FIGN: variants seen among roughly 807,000 people sequenced by gnomAD.
FIGN encodes the protein fidgetin, microtubule severing factor.
In FIGN, 11 loss-of-function variants were observed where a neutral mutation model predicts 51.3. The observed-to-expected ratio is 0.21, with a 90% CI of 0.13 to 0.35. The LOEUF is 0.35. FIGN is among the 10% of genes least tolerant of loss of function. The pLI is 1.00. For missense variants in FIGN, 857 were observed against 943.6 expected, an observed-to-expected ratio of 0.91 and a Z score of 1.20; for synonymous variants, 407 against 363.2, an observed-to-expected ratio of 1.12 and a Z score of -1.37.
At position 163,614,991 on chromosome 2, in the gene FIGN, T is replaced by C. The variant is rs1438423574; in HGVS notation, c.26-3185A>G. On this transcript the variant is annotated intron_variant, in intron 2 of 2. Transcript: ENST00000333129. ...AGAGTGTCCATTTCATAGGGTATTT[T>C]TGCATGGTTTAAGTCTAGCAAAACT... 2.6e-5 allele frequency among the ~76,000 whole-genome samples: 4 copies of C among 152,148 alleles called. No homozygotes were observed. The East Asian group carries it at 7.7e-4, about 29-fold the overall frequency.
intron 2 of FIGN, among the ~76,000 whole-genome samples, chr2:163,666,424 C>G (rs1043826294): frequency 6.6e-6 from 1 of 152,106 alleles, no homozygotes. Flanking sequence ...ATAGGAGAGT[C>G]AGAATTGGGA....
chr2:163,663,054 C>T (rs576149015), intron 2 of FIGN, among the ~76,000 whole-genome samples: 16 of 152,062 alleles, frequency 1.1e-4, no homozygotes, highest in South Asian at 4.2e-4. Flanking sequence ...ACTAATACAA[C>T]GATGTTGGCC....
At chr2:163,709,748 G>A (rs1264049282) in intron 2 of FIGN, among the ~76,000 whole-genome samples, 4 of 151,938 alleles carry the variant, frequency 2.6e-5, no homozygotes, top group Non-Finnish European at 4.4e-5. Flanking sequence ...CACATACTTC[G>A]GGAATGAAAG....
intron 2 of FIGN, among the ~76,000 whole-genome samples, chr2:163,682,488 A>ATGCT (rs1684081337): frequency 6.6e-6 from 1 of 152,228 alleles, no homozygotes; most frequent in African/African-American, 2.4e-5. Context: ...ACAGACATGC[A>ATGCT]ATCTTGTTAT....
chr2:163,612,455 A>G, intron 2 of FIGN: 13 of 985,288 alleles, frequency 1.3e-5, no homozygotes, highest in Non-Finnish European at 1.6e-5. Flanking sequence ...CGACAGTTTC[A>G]AATCTGCTTC....
chr2:163,700,612 G>A (rs949049547), intron 2 of FIGN, among the ~76,000 whole-genome samples: 1 of 152,012 alleles, frequency 6.6e-6, no homozygotes, highest in Non-Finnish European at 1.5e-5. Flanking sequence ...CAGATTTATA[G>A]AGAATGCAAA....
intron 2 of FIGN, among the ~76,000 whole-genome samples, chr2:163,662,269 C>T (rs971964054): frequency 1.3e-5 from 2 of 152,112 alleles, no homozygotes; most frequent in Non-Finnish European, 2.9e-5. Flanking sequence ...CCCTAGAGAT[C>T]TGTGGAATTT....
At chr2:163,734,576 A>AAAT (rs1684985293) in intron 2 of FIGN, among the ~76,000 whole-genome samples, 1 of 150,888 alleles carries the variant, frequency 6.6e-6, no homozygotes, top group South Asian at 2.1e-4. Flanking sequence ...AAAAAAAAAA[A>AAAT]ACCCACACTG....
rs150730810 is a variant in FIGN, at chr2:163,709,713, A to G, written c.25+25190T>C. Among the ~76,000 whole-genome samples the G allele has an allele frequency of 4.7e-3, 718 of 152,248 alleles. 7 individuals are homozygous for G. Among genetic ancestry groups the G allele is most frequent in the African/African-American group, 0.016 (669 of 41,532 alleles). On this transcript the variant is annotated intron_variant, in intron 2 of 2. Transcript: ENST00000333129. The stretch of plus-strand genomic sequence containing the variant: ...TCTTCCCAGTATCTGCCCAGCCCCT[A>G]TAACAAGGTAAAATAAACATAAAAC...
chr2:163,614,967 G>C (rs1202857606), intron 2 of FIGN, among the ~76,000 whole-genome samples: 2 of 152,090 alleles, frequency 1.3e-5, no homozygotes, highest in Non-Finnish European at 2.9e-5. Flanking sequence ...AGTTTAAATA[G>C]AGTGTCCATT....
intron 2 of FIGN, among the ~76,000 whole-genome samples, chr2:163,728,404 A>G (rs1684873044): frequency 7.7e-6 from 1 of 129,062 alleles, no homozygotes; most frequent in African/African-American, 3.9e-5. Context: ...TTAAACACAC[A>G]CACACACACA....
At chr2:163,734,769 CA>C (rs1684988824) in intron 2 of FIGN, 133 bp downstream of exon 2, 2 of 716,402 alleles carry the variant, frequency 2.8e-6, no homozygotes, top group Non-Finnish European at 4.4e-6. Context: ...TGACATTAAA[CA>C]TATATTTTTT....
At chr2:163,668,824 C>G (rs889375410) in intron 2 of FIGN, among the ~76,000 whole-genome samples, 3 of 151,680 alleles carry the variant, frequency 2.0e-5, no homozygotes, top group Non-Finnish European at 4.4e-5. Flanking sequence ...GCCTGTAGTC[C>G]CAGCTACTCG....
At chr2:163,712,986 C>G (rs1684611385) in intron 2 of FIGN, among the ~76,000 whole-genome samples, 1 of 152,172 alleles carries the variant, frequency 6.6e-6, no homozygotes, top group African/African-American at 2.4e-5. Flanking sequence ...ATAAACGTAT[C>G]TGGTCAGAGA....
intron 2 of FIGN, among the ~76,000 whole-genome samples, chr2:163,724,740 GC>G (rs1233384560): frequency 6.6e-6 from 1 of 152,000 alleles, no homozygotes; most frequent in Non-Finnish European, 1.5e-5. Context: ...TTCATTTGTG[GC>G]CTAAAAACTT....
chr2:163,682,697 A>T (rs971693348), intron 2 of FIGN, among the ~76,000 whole-genome samples: 1 of 152,238 alleles, frequency 6.6e-6, no homozygotes. Context: ...TTACAGTAAC[A>T]ATGTGAACAG....
At chr2:163,640,742 A>T (rs1425992796) in intron 2 of FIGN, among the ~76,000 whole-genome samples, 1 of 152,174 alleles carries the variant, frequency 6.6e-6, no homozygotes, top group African/African-American at 2.4e-5. Context: ...AGAGTTACTA[A>T]ATATACCTGG....
chr2:163,729,995 C>A (rs1316256339), intron 2 of FIGN, among the ~76,000 whole-genome samples: 1 of 152,146 alleles, frequency 6.6e-6, no homozygotes, highest in Non-Finnish European at 1.5e-5. Flanking sequence ...TTTCTGATCA[C>A]CTATCTTTTC....
intron 2 of FIGN, among the ~76,000 whole-genome samples, chr2:163,721,094 A>G (rs933030694): frequency 6.6e-6 from 1 of 152,226 alleles, no homozygotes; most frequent in East Asian, 1.9e-4. Context: ...GTGGCCACCA[A>G]CTTACATGAT....
Sources: gnomAD v4.1 joint callset for allele counts (sites outside exome capture counted in the v4.1 genomes callset) on GRCh38, gnomAD v4.1.1 for gene constraint, MANE v1.5 for transcripts, NCBI Gene and HGNC (gene_info 2026-07-23, HGNC 2026-07-21) for gene names.